CEP112: variants seen among roughly 807,000 people sequenced by gnomAD.
The protein encoded by CEP112 is centrosomal protein of 112 kDa.
A neutral mutation model predicts 153.0 loss-of-function variants in CEP112; 127 were observed. The observed-to-expected ratio is 0.83, with a 90% confidence interval of 0.72 to 0.96. The LOEUF is 0.96. CEP112 is among the 40% of genes least tolerant of loss of function. CEP112 has a pLI of 0.00. For missense variants in CEP112, 1,089 were observed against 1,101.2 expected (o/e 0.99, Z 0.16); for synonymous variants, 358 against 374.4 (o/e 0.96, Z 0.51).
At chr17:65,838,985 A>G (rs2057419955) in intron 21 of CEP112, among the ~76,000 whole-genome samples, 1 of 152,210 alleles carries the variant, frequency 6.6e-6, no homozygotes, top group South Asian at 2.1e-4. Flanking sequence ...CAGACCAGTA[A>G]TACATAATGA....
At chr17:65,997,065 G>C (rs1873553014) in intron 17 of CEP112, among the ~76,000 whole-genome samples, 1 of 152,034 alleles carries the variant, frequency 6.6e-6, no homozygotes, top group Non-Finnish European at 1.5e-5. Flanking sequence ...AAATAAATTA[G>C]GCAGGCGTGG....
Position 65,689,284 on chromosome 17 carries a change from T to C in CEP112, c.2608-66A>G, listed in dbSNP as rs530731917. On this transcript the variant is annotated intron_variant, in intron 23 of 26. Transcript: ENST00000535342. ...CACTTGGAAAAATAGTTCTACACCA[T>C]GAACTGGCACTAAAAAGGCCTCAGA... 71 of 1,165,892 alleles carry C rather than the reference T, an allele frequency of 6.1e-5. No homozygotes were observed. In the African/African-American group the frequency reaches 9.8e-4, roughly 16 times the overall value. The allele number at this position is 1,165,892 out of a possible 1,614,324, so 72.2% of individuals were successfully genotyped here.
At chr17:65,836,739 C>T (rs2146177170) in intron 21 of CEP112, among the ~76,000 whole-genome samples, 1 of 152,234 alleles carries the variant, frequency 6.6e-6, no homozygotes. Flanking sequence ...AGAAAATCAG[C>T]AAAGAAATAT....
intron 24 of CEP112, among the ~76,000 whole-genome samples, chr17:65,687,461 C>T (rs557838346): frequency 1.3e-5 from 2 of 151,864 alleles, no homozygotes; most frequent in Non-Finnish European, 2.9e-5. Context: ...CCACTGCGCC[C>T]GGCCTAGTTA....
chr17:66,032,797 A>G (rs1223168911), intron 12 of CEP112, among the ~76,000 whole-genome samples: 1 of 152,236 alleles, frequency 6.6e-6, no homozygotes, highest in Non-Finnish European at 1.5e-5. Context: ...CATATGAGGC[A>G]TGTGTTTTCC....
At chr17:66,142,799 G>A (rs1381753656) in intron 4 of CEP112, among the ~76,000 whole-genome samples, 1 of 152,020 alleles carries the variant, frequency 6.6e-6, no homozygotes, top group Non-Finnish European at 1.5e-5. Context: ...CTCCGGCTTT[G>A]TTCTTCTTGC....
Position 66,066,759 on chromosome 17 carries a change from T to C in CEP112, c.955+19A>G, listed in dbSNP as rs777082280. ...AATGGAAATGTTATTAAAAGATGTA[T>C]GTAACAACACAACATCACCTTTCTT... On this transcript the variant is annotated intron_variant, in intron 10 of 26. Coordinates refer to ENST00000535342, the MANE Select transcript of CEP112 (RefSeq NM_001199165.4). 1.7e-5 allele frequency: 24 copies of C among 1,414,736 alleles called. No homozygotes were observed. Among genetic ancestry groups the C allele is most frequent in the East Asian group, 1.3e-4 (5 of 39,158 alleles). 87.6% of individuals were successfully genotyped at this position (1,414,736 alleles called of 1,614,324 possible).
chr17:66,000,575 GAT>G (rs1287077674), intron 17 of CEP112, among the ~76,000 whole-genome samples: 2 of 151,834 alleles, frequency 1.3e-5, no homozygotes, highest in Non-Finnish European at 2.9e-5. Context: ...TTCTCCCGTA[GAT>G]GGAACTAGTC....
At chr17:65,689,903 C>A (rs1476417884) in intron 23 of CEP112, among the ~76,000 whole-genome samples, 3 of 152,068 alleles carry the variant, frequency 2.0e-5, no homozygotes, top group Non-Finnish European at 4.4e-5. Flanking sequence ...TGTGCTATTT[C>A]TATAATGACA....
At position 65,963,468 on chromosome 17, in the gene CEP112, C is replaced by T. The variant is rs577755636; in HGVS notation, c.1737-1870G>A. 5.9e-5 allele frequency among the ~76,000 whole-genome samples: 9 copies of T among 152,134 alleles called. No homozygotes were observed. In the East Asian group the frequency reaches 1.4e-3, roughly 23 times the overall value. On this transcript the variant is annotated intron_variant, in intron 17 of 26. Coordinates refer to ENST00000535342, the MANE Select transcript of CEP112 (RefSeq NM_001199165.4). ...AAATTTCTAGGCTTTTCAATAAGAA[C>T]GTACATATCATATATCAAAATACCA...
rs147173527 is a variant in CEP112, at chr17:65,746,142, G to T, written c.2458-2925C>A. On this transcript the variant is annotated intron_variant, in intron 22 of 26. Transcript: ENST00000535342. Reference sequence around the variant, plus strand: ...ATTGCGCCATTTCACTCCAGCCTGGGCAACAAGGGTAAAACTCCATCTCAA... The same window carrying T: ...ATTGCGCCATTTCACTCCAGCCTGGTCAACAAGGGTAAAACTCCATCTCAA... 3.5e-4 allele frequency among the ~76,000 whole-genome samples: 30 copies of T among 86,280 alleles called. 1 individual carries two copies. In the East Asian group the frequency reaches 0.016, roughly 47 times the overall value. The allele number at this position is 86,280 out of a possible 152,430, so 56.6% of individuals were successfully genotyped here.
intron 18 of CEP112, among the ~76,000 whole-genome samples, chr17:65,959,607 TTC>T (rs1379582724): frequency 6.6e-6 from 1 of 152,196 alleles, no homozygotes; most frequent in Admixed American, 6.5e-5. Flanking sequence ...GTTCGTGTGG[TTC>T]TTGGCTCCTC....
chr17:65,967,223 A>C (rs1844833815), intron 17 of CEP112, among the ~76,000 whole-genome samples: 1 of 152,218 alleles, frequency 6.6e-6, no homozygotes, highest in African/African-American at 2.4e-5. Flanking sequence ...TGTTGGTTGA[A>C]GCATGTTAGT....
chr17:65,650,835 G>A (rs924168309), intron 24 of CEP112, among the ~76,000 whole-genome samples: 18 of 151,628 alleles, frequency 1.2e-4, no homozygotes, highest in Non-Finnish European at 2.1e-4. Context: ...TTGAACCCAG[G>A]AGGCGGAGGT....
At chr17:66,123,181 T>C (rs932729600) in intron 6 of CEP112, among the ~76,000 whole-genome samples, 1 of 152,238 alleles carries the variant, frequency 6.6e-6, no homozygotes, top group African/African-American at 2.4e-5. Flanking sequence ...TGACCTACTG[T>C]GTCTGGGGTA....
At chr17:66,144,741 A>G (rs1436315596) in intron 4 of CEP112, among the ~76,000 whole-genome samples, 2 of 152,212 alleles carry the variant, frequency 1.3e-5, no homozygotes, top group Non-Finnish European at 2.9e-5. Flanking sequence ...GTATTCCATT[A>G]TATACATAAA....
At chr17:65,999,392 G>A (rs980907394) in intron 17 of CEP112, among the ~76,000 whole-genome samples, 3 of 151,938 alleles carry the variant, frequency 2.0e-5, no homozygotes, top group South Asian at 4.2e-4. Context: ...TAGTGGATAC[G>A]GGGTTTCACC....
intron 18 of CEP112, among the ~76,000 whole-genome samples, chr17:65,950,584 T>C (rs1038599454): frequency 2.0e-5 from 3 of 152,132 alleles, no homozygotes; most frequent in Admixed American, 6.6e-5. Context: ...TGCAAGCTTG[T>C]TTAAATCATG....
chr17:65,749,661 T>C (rs1017647726), intron 22 of CEP112, among the ~76,000 whole-genome samples: 8 of 146,808 alleles, frequency 5.4e-5, no homozygotes, highest in African/African-American at 7.4e-5. Context: ...TCTCTCTAAA[T>C]CTCAGTTTTC....
Sources: gnomAD v4.1 joint callset for allele counts (sites outside exome capture counted in the v4.1 genomes callset) on GRCh38, gnomAD v4.1.1 for gene constraint, MANE v1.5 for transcripts, NCBI Gene and HGNC (gene_info 2026-07-23, HGNC 2026-07-21) for gene names.